GREB1L: variants seen among roughly 807,000 people sequenced by gnomAD.
GREB1L encodes the protein GREB1 like retinoic acid receptor coactivator.
Under a neutral mutation model 200.8 loss-of-function variants are expected in GREB1L, and 17 were observed. The observed-to-expected ratio is 0.08, with a 90% CI of 0.06 to 0.13. The LOEUF (loss-of-function observed/expected upper bound fraction) is 0.13. GREB1L is among the 10% of genes least tolerant of loss of function. The pLI is 1.00. For synonymous variants in GREB1L, 789 were observed against 893.0 expected, an observed-to-expected ratio of 0.88 and a Z score of 2.08; for missense variants, 1,657 against 2,367.7, an observed-to-expected ratio of 0.70 and a Z score of 6.23.
intron 1 of GREB1L, among the ~76,000 whole-genome samples, chr18:21,321,157 G>A (rs931192455): frequency 2.6e-5 from 4 of 151,478 alleles, no homozygotes; most frequent in Non-Finnish European, 5.9e-5. Context: ...AGCCAGGCAT[G>A]GTGGCATGCG....
intron 1 of GREB1L, among the ~76,000 whole-genome samples, chr18:21,271,894 G>A (rs2038085478): frequency 6.6e-6 from 1 of 152,082 alleles, no homozygotes; most frequent in Admixed American, 6.6e-5. Context: ...AAAGCGTGGG[G>A]AACAGAATTC....
chr18:21,247,643 G>C (rs2037629886), intron 1 of GREB1L, among the ~76,000 whole-genome samples: 1 of 152,132 alleles, frequency 6.6e-6, no homozygotes, highest in Non-Finnish European at 1.5e-5. Flanking sequence ...TGTAAAATGA[G>C]ATTAACAATT....
intron 7 of GREB1L, among the ~76,000 whole-genome samples, chr18:21,425,964 G>A (rs1478373302): frequency 6.6e-6 from 1 of 151,828 alleles, no homozygotes; most frequent in South Asian, 2.1e-4. Context: ...CCTAATCCAT[G>A]GTCATGAAAA....
At chr18:21,428,360 T>G (rs182573488) in intron 7 of GREB1L, among the ~76,000 whole-genome samples, 1,815 of 87,598 alleles carry the variant, frequency 0.021, 39 homozygotes, top group Non-Finnish European at 0.032. Flanking sequence ...TTTTTTTTTG[T>G]CCTCTTGTGT....
chr18:21,484,443 A>G lies in GREB1L; in HGVS notation c.2557-1177A>G, dbSNP rs1568048486. On this transcript the variant is annotated intron_variant, in intron 17 of 32. Transcript: ENST00000424526. Reference sequence around the variant, plus strand: ...GCGTGAGCCACTGCGCCCAGCCTTTATCTTATTACATTTTTTAAAGCTGCC... The same window carrying G: ...GCGTGAGCCACTGCGCCCAGCCTTTGTCTTATTACATTTTTTAAAGCTGCC... Among the ~76,000 whole-genome samples the G allele has an allele frequency of 6.6e-5, 10 of 152,246 alleles. No individual in the cohort carries two copies. The South Asian group carries it at 2.1e-3, about 32-fold the overall frequency.
intron 1 of GREB1L, among the ~76,000 whole-genome samples, chr18:21,247,372 C>T (rs1598602704): frequency 1.3e-5 from 2 of 152,214 alleles, no homozygotes; most frequent in East Asian, 3.9e-4. Context: ...GGACTGTAGC[C>T]ATGTTAGCAT....
At chr18:21,427,306 G>A (rs774055419) in intron 7 of GREB1L, among the ~76,000 whole-genome samples, 5 of 151,602 alleles carry the variant, frequency 3.3e-5, no homozygotes, top group Admixed American at 6.6e-5. Context: ...GAGTTCAAGA[G>A]CAGCCTGGGC....
intron 21 of GREB1L, among the ~76,000 whole-genome samples, chr18:21,499,434 G>A (rs1017294111): frequency 9.9e-5 from 15 of 152,178 alleles, no homozygotes; most frequent in Non-Finnish European, 2.2e-4. Flanking sequence ...CCAGACCTGA[G>A]CCGCAGCCCA....
At chr18:21,246,029 C>T (rs2037594671) in intron 1 of GREB1L, among the ~76,000 whole-genome samples, 1 of 152,080 alleles carries the variant, frequency 6.6e-6, no homozygotes, top group African/African-American at 2.4e-5. Flanking sequence ...GCCTATAATG[C>T]CTATTCTTAT....
chr18:21,282,074 A>G (rs934840723), intron 1 of GREB1L, among the ~76,000 whole-genome samples: 1 of 152,134 alleles, frequency 6.6e-6, no homozygotes, highest in Non-Finnish European at 1.5e-5. Context: ...AGAATTTGAG[A>G]CCAGCCTGAG....
At chr18:21,296,898 A>G (rs929636307) in intron 1 of GREB1L, among the ~76,000 whole-genome samples, 2 of 151,960 alleles carry the variant, frequency 1.3e-5, no homozygotes, top group African/African-American at 2.4e-5. Context: ...CAAGTGAGCC[A>G]CCCTCCTCGG....
intron 15 of GREB1L, among the ~76,000 whole-genome samples, chr18:21,456,403 C>T (rs1011519131): frequency 6.6e-6 from 1 of 152,200 alleles, no homozygotes; most frequent in Non-Finnish European, 1.5e-5. Flanking sequence ...GTGATTATTA[C>T]ACATTCCATG....
At chr18:21,315,100 A>G (rs961536738) in intron 1 of GREB1L, among the ~76,000 whole-genome samples, 1 of 151,926 alleles carries the variant, frequency 6.6e-6, no homozygotes, top group African/African-American at 2.4e-5. Flanking sequence ...ATTTATTTTT[A>G]TTTTTTGAAG....
At chr18:21,501,200 C>T (rs180784478) in intron 23 of GREB1L, among the ~76,000 whole-genome samples, 8 of 150,988 alleles carry the variant, frequency 5.3e-5, no homozygotes, top group Admixed American at 4.6e-4. Context: ...AGCCTCTTTA[C>T]AATGTCCTGC....
chr18:21,250,433 A>C (rs2037684350), intron 1 of GREB1L, among the ~76,000 whole-genome samples: 1 of 152,202 alleles, frequency 6.6e-6, no homozygotes, highest in Admixed American at 6.5e-5. Context: ...GCATTTAAAA[A>C]AAATGTTCTG....
intron 25 of GREB1L, among the ~76,000 whole-genome samples, chr18:21,507,836 G>T (rs1051806521): frequency 6.6e-6 from 1 of 152,222 alleles, no homozygotes; most frequent in African/African-American, 2.4e-5. Flanking sequence ...GGATGAAGCA[G>T]CTGTGGCTCT....
intron 23 of GREB1L, among the ~76,000 whole-genome samples, chr18:21,504,196 T>A (rs541401499): frequency 2.1e-4 from 32 of 152,274 alleles, no homozygotes; most frequent in Non-Finnish European, 3.5e-4. Flanking sequence ...AATGCTGAGA[T>A]TACAGGTGTG....
chr18:21,416,882 C>G lies in GREB1L; in HGVS notation c.832+12888C>G, dbSNP rs1210988977. On this transcript the variant is annotated intron_variant, in intron 7 of 32. Transcript: ENST00000424526. ...CTCTACAAAAAAATACAAGAATTAG[C>G]CAGGTGTGTTGGCAGGCATCTGTAA... 2.7e-5 allele frequency among the ~76,000 whole-genome samples: 4 copies of G among 150,940 alleles called. No homozygotes were observed. In the East Asian group the frequency reaches 7.9e-4, roughly 30 times the overall value.
At chr18:21,273,594 G>T (rs1347598412) in intron 1 of GREB1L, among the ~76,000 whole-genome samples, 3 of 152,078 alleles carry the variant, frequency 2.0e-5, no homozygotes, top group Non-Finnish European at 4.4e-5. Flanking sequence ...TTATTCGTTG[G>T]GATGAGGGCT....
Sources: gnomAD v4.1 joint callset for allele counts (sites outside exome capture counted in the v4.1 genomes callset) on GRCh38, gnomAD v4.1.1 for gene constraint, MANE v1.5 for transcripts, NCBI Gene and HGNC (gene_info 2026-07-23, HGNC 2026-07-21) for gene names.